Variants in NRG1 observed in about 807,000 individuals in gnomAD.
NRG1 encodes the protein pro-neuregulin-1, membrane-bound isoform.
A neutral mutation model predicts 63.8 loss-of-function variants in NRG1; 18 were observed. That is an observed-to-expected ratio of 0.28 (90% CI 0.19 to 0.42). The LOEUF (loss-of-function observed/expected upper bound fraction) is 0.42. Ranked by LOEUF, NRG1 falls within the 10% of genes least tolerant of loss-of-function variation. The pLI is 1.00. For synonymous variants in NRG1, 302 were observed against 301.3 expected (o/e 1.00, Z -0.02); for missense variants, 762 against 814.7 (o/e 0.94, Z 0.79).
In NRG1 at chr8:31,779,459, G is replaced by GAA. The variant is rs57749982; in HGVS notation, c.37+140040_37+140041dup. On this transcript the variant is annotated intron_variant, in intron 1 of 10. Transcript: ENST00000519301. ...GCTTGTTCGGAGACAGCCCAGAAGG[G>GAA]AAAAAAAAAAAAATTCTGGAAAGCC... Among the ~76,000 whole-genome samples, 35 of 145,832 alleles carry GAA rather than the reference G, an allele frequency of 2.4e-4. No individual in the cohort carries two copies. The South Asian group carries it at 2.4e-3, about 10-fold the overall frequency.
intron 5 of NRG1, among the ~76,000 whole-genome samples, chr8:32,634,118 A>AAAAAAAAAAAAAAAAAAAAAAAAATT (rs1850869778): frequency 2.0e-5 from 3 of 150,080 alleles, no homozygotes; most frequent in African/African-American, 7.4e-5. Context: ...AAAAAAAAAA[A>AAAAAAAAAAAAAAAAAAAAAAAAATT]GGTTGCATAA....
At chr8:31,656,648 A>T (rs546525860) in intron 1 of NRG1, among the ~76,000 whole-genome samples, 83 of 152,322 alleles carry the variant, frequency 5.4e-4, no homozygotes, top group African/African-American at 1.9e-3. Context: ...ATTTTCAAAA[A>T]ATCATCAAAA....
intron 1 of NRG1, among the ~76,000 whole-genome samples, chr8:31,947,290 G>A (rs1213751681): frequency 7.1e-6 from 1 of 140,554 alleles, no homozygotes; most frequent in East Asian, 2.3e-4. Context: ...CTGGGCGACA[G>A]AGTGAGACTC....
intron 1 of NRG1, among the ~76,000 whole-genome samples, chr8:32,422,013 G>A (rs201827638): frequency 9.3e-6 from 1 of 107,820 alleles, no homozygotes. Context: ...AGGGTTGAGG[G>A]ATGAAAAATT....
intron 6 of NRG1, among the ~76,000 whole-genome samples, chr8:32,734,443 T>C (rs1824502007): frequency 6.6e-6 from 1 of 152,186 alleles, no homozygotes; most frequent in Non-Finnish European, 1.5e-5. Context: ...GTAGTATTTG[T>C]TGTATTTGTA....
intron 1 of NRG1, among the ~76,000 whole-genome samples, chr8:32,087,482 C>CTT (rs67438409): frequency 3.3e-5 from 3 of 90,278 alleles, no homozygotes; most frequent in Non-Finnish European, 4.1e-5. Flanking sequence ...TCTTTTCTTT[C>CTT]TTTTTTTTTT....
chr8:31,854,404 T>G (rs1481237811), intron 1 of NRG1, among the ~76,000 whole-genome samples: 4 of 152,142 alleles, frequency 2.6e-5, no homozygotes, highest in Non-Finnish European at 5.9e-5. Context: ...TGCGTAGAGG[T>G]GTTTGTAGTA....
At chr8:32,193,823 A>G (rs1034438583) in intron 1 of NRG1, among the ~76,000 whole-genome samples, 4 of 152,214 alleles carry the variant, frequency 2.6e-5, no homozygotes, top group Admixed American at 6.5e-5. Flanking sequence ...TTAGACTGAG[A>G]CAGAGACATG....
At chr8:32,569,137 C>T (rs923537223) in intron 1 of NRG1, among the ~76,000 whole-genome samples, 2 of 152,212 alleles carry the variant, frequency 1.3e-5, no homozygotes, top group Admixed American at 6.5e-5. Context: ...GCAACCTCTG[C>T]CTCCCAAATT....
At chr8:32,308,066 T>A (rs1477074852) in intron 1 of NRG1, among the ~76,000 whole-genome samples, 1 of 152,200 alleles carries the variant, frequency 6.6e-6, no homozygotes, top group East Asian at 1.9e-4. Context: ...CAACCTGCAC[T>A]CACCCACTCC....
chr8:32,178,322 C>A (rs2132079551), intron 1 of NRG1, among the ~76,000 whole-genome samples: 1 of 152,168 alleles, frequency 6.6e-6, no homozygotes, highest in Non-Finnish European at 1.5e-5. Flanking sequence ...TAAGAAAGAC[C>A]ACCCTGGTCA....
intron 1 of NRG1, among the ~76,000 whole-genome samples, chr8:32,125,805 C>T (rs1297010529): frequency 1.3e-5 from 2 of 152,026 alleles, no homozygotes; most frequent in Non-Finnish European, 2.9e-5. Flanking sequence ...TCCAACATAT[C>T]TTCCTGACAT....
chr8:31,657,248 A>G (rs1805518039), intron 1 of NRG1, among the ~76,000 whole-genome samples: 1 of 152,222 alleles, frequency 6.6e-6, no homozygotes, highest in African/African-American at 2.4e-5. Flanking sequence ...AATACAGTGT[A>G]AATAAGCTAA....
chr8:32,046,965 A>G lies in NRG1; in HGVS notation c.37+407534A>G, dbSNP rs140437879. ...AAAAAAGTCTTCCCAATGCTTGACT[A>G]TTGCTTTTAGATTATCCTCTAAACT... On this transcript the variant is annotated intron_variant, in intron 1 of 10. Coordinates refer to the NRG1 transcript ENST00000519301. Among the ~76,000 whole-genome samples the G allele has an allele frequency of 9.3e-4, 141 of 152,198 alleles. 2 individuals are homozygous for G. Among genetic ancestry groups the G allele is most frequent in the Admixed American group, 3.1e-3 (47 of 15,252 alleles).
intron 1 of NRG1, among the ~76,000 whole-genome samples, chr8:31,676,523 C>A (rs992274114): frequency 6.6e-6 from 1 of 152,228 alleles, no homozygotes; most frequent in Middle Eastern, 3.4e-3. Context: ...CAGTGTGAAC[C>A]ACTCATCAGC....
intron 3 of NRG1, among the ~76,000 whole-genome samples, chr8:32,611,972 C>G (rs1200501449): frequency 6.6e-6 from 1 of 151,926 alleles, no homozygotes; most frequent in Non-Finnish European, 1.5e-5. Flanking sequence ...CAACTTTTTC[C>G]TGAGACCAGA....
intron 1 of NRG1, among the ~76,000 whole-genome samples, chr8:32,315,983 T>G (rs1857340223): frequency 6.6e-6 from 1 of 152,246 alleles, no homozygotes; most frequent in Admixed American, 6.5e-5. Flanking sequence ...ACTGCGTATC[T>G]TGTCTTCCCA....
chr8:32,676,319 C>T (rs1006456606), intron 5 of NRG1, among the ~76,000 whole-genome samples: 6 of 152,110 alleles, frequency 3.9e-5, no homozygotes, highest in Non-Finnish European at 8.8e-5. Flanking sequence ...TGGCCATGAC[C>T]CCAGGGGGGC....
At chr8:32,595,373 G>A (rs911496524) in intron 1 of NRG1, among the ~76,000 whole-genome samples, 18 of 151,824 alleles carry the variant, frequency 1.2e-4, no homozygotes, top group Admixed American at 1.1e-3. Flanking sequence ...TATTTTCATA[G>A]AGATGGAGTT....
Sources: allele counts gnomAD v4.1 joint callset (sites outside exome capture counted in the v4.1 genomes callset), GRCh38; gene constraint gnomAD v4.1.1; transcripts MANE v1.5; gene names NCBI Gene and HGNC (gene_info 2026-07-23, HGNC 2026-07-21).